NDUFB5: variants seen among roughly 807,000 people sequenced by gnomAD.
The protein encoded by NDUFB5 is NADH dehydrogenase [ubiquinone] 1 beta subcomplex subunit 5, mitochondrial.
Under a neutral mutation model 19.4 loss-of-function variants are expected in NDUFB5, and 19 were observed. That is an observed-to-expected ratio of 0.98 (90% CI 0.68 to 1.43). The LOEUF (loss-of-function observed/expected upper bound fraction) is 1.43. Among genes scored for constraint, NDUFB5 ranks in the 40% most tolerant of loss-of-function variants. The probability of loss-of-function intolerance (pLI) is 0.00; values close to 1 mark genes in which losing one functional copy is unlikely to be tolerated. For missense variants in NDUFB5, 233 were observed against 236.5 expected (o/e 0.99, Z 0.10); for synonymous variants, 80 against 82.6 (o/e 0.97, Z 0.17).
chr3:179,621,955 A>G (rs1719549385), intron 5 of NDUFB5, among the ~76,000 whole-genome samples: 1 of 151,968 alleles, frequency 6.6e-6, no homozygotes, highest in African/African-American at 2.4e-5. Flanking sequence ...TATTTTTTTT[A>G]ATATTCACCA....
chr3:179,618,365 C>T, intron 4 of NDUFB5, 50 bp from the exon 5 acceptor site: 1 of 1,221,138 alleles, frequency 8.2e-7, no homozygotes, highest in Non-Finnish European at 1.2e-6. Flanking sequence ...ACTAGAAAAG[C>T]AAAGTATTAT....
At chr3:179,609,141 CT>C (rs1560023588) in intron 1 of NDUFB5, among the ~76,000 whole-genome samples, 2 of 152,114 alleles carry the variant, frequency 1.3e-5, no homozygotes, top group Non-Finnish European at 2.9e-5. Context: ...TTGAGTATGA[CT>C]TGTGTTGTGA....
chr3:179,614,763 C>T (rs973546475), intron 1 of NDUFB5: 8 of 302,164 alleles, frequency 2.6e-5, no homozygotes, highest in African/African-American at 1.7e-4. Flanking sequence ...TGTATATTTT[C>T]TTTTTGTTTC....
At chr3:179,622,808 T>G (rs1244718664) in intron 5 of NDUFB5, among the ~76,000 whole-genome samples, 1 of 152,192 alleles carries the variant, frequency 6.6e-6, no homozygotes, top group Non-Finnish European at 1.5e-5. Flanking sequence ...CTGTGATAAA[T>G]TTTTAGTCCT....
At chr3:179,619,236 G>T in intron 5 of NDUFB5, among the ~76,000 whole-genome samples, 2 of 147,116 alleles carry the variant, frequency 1.4e-5, no homozygotes, top group Non-Finnish European at 3.0e-5. Flanking sequence ...TAAGTTTTAG[G>T]GTACATGTGC....
chr3:179,614,742 A>G (rs963695064), intron 1 of NDUFB5: 2 of 256,836 alleles, frequency 7.8e-6, no homozygotes, highest in African/African-American at 4.4e-5. Flanking sequence ...CTCATATTAA[A>G]CATCTAAGAA....
Position 179,624,129 on chromosome 3 carries a change from C to A in NDUFB5, c.*89C>A. The A allele has an allele frequency of 8.2e-7, 1 of 1,212,406 alleles. No homozygotes were observed. Among genetic ancestry groups the A allele is most frequent in the Non-Finnish European group, 1.1e-6 (1 of 887,688 alleles). 75.1% of individuals were successfully genotyped at this position (1,212,406 alleles called of 1,614,324 possible). A position where few individuals can be genotyped will look rare whatever the true frequency, so the allele number is the denominator to read the frequency against. ...CTGTATTTTTGCTCTCCGTGAAAAA[C>A]AAAAGAGCCTCTGACATTACTGTCT... On this transcript the variant is annotated 3_prime_UTR_variant, in exon 6 of 6. Transcript: ENST00000259037.
chr3:179,623,802 G>A (rs1719595416), intron 5 of NDUFB5, 118 bp from the exon 6 acceptor site: 1 of 1,275,766 alleles, frequency 7.8e-7, no homozygotes, highest in South Asian at 1.3e-5. Flanking sequence ...AGGGTCTGTG[G>A]AGGAGCATTA....
Position 179,604,950 on chromosome 3 carries a change from G to A in NDUFB5, c.124+11G>A. On this transcript the variant is annotated intron_variant, in intron 1 of 5. Transcript: ENST00000259037. ...TTCCGAAGGCTGCTGGTGGGTGCTG[G>A]CCTAGGGAGAACGGGCGTGAAGCGG... 6.4e-7 allele frequency: 1 copy of A among 1,557,336 alleles called. No individual in the cohort carries two copies. Among genetic ancestry groups the A allele is most frequent in the Middle Eastern group, 1.7e-4 (1 of 5,800 alleles).
chr3:179,609,123 C>G (rs1285488378), intron 1 of NDUFB5, among the ~76,000 whole-genome samples: 1 of 152,204 alleles, frequency 6.6e-6, no homozygotes, highest in Non-Finnish European at 1.5e-5. Context: ...AAGAACTCAT[C>G]AGTGACATTG....
At chr3:179,606,768 G>T (rs1719113490) in intron 1 of NDUFB5, among the ~76,000 whole-genome samples, 1 of 152,180 alleles carries the variant, frequency 6.6e-6, no homozygotes, top group Non-Finnish European at 1.5e-5. Context: ...TCAGAAAGTT[G>T]TCTCCAGCCT....
chr3:179,622,732 C>T (rs976100130), intron 5 of NDUFB5, among the ~76,000 whole-genome samples: 4 of 152,156 alleles, frequency 2.6e-5, no homozygotes, highest in African/African-American at 9.7e-5. Flanking sequence ...AACATAACCT[C>T]ACAAAGGCAT....
rs546196718 is a variant in NDUFB5, at chr3:179,626,780, C to A, written c.*2740C>A. On this transcript the variant is annotated 3_prime_UTR_variant, in exon 6 of 6. Coordinates refer to ENST00000259037, the MANE Select transcript of NDUFB5 (RefSeq NM_002492.4). The stretch of plus-strand genomic sequence containing the variant: ...ACTTCTGACCTTGTGATCCACCCAC[C>A]TTGGTCTCCCAAAGTGCTGGGATTA... The A allele has an allele frequency of 6.6e-6, 1 of 152,312 alleles. No individual in the cohort carries two copies. The highest frequency in any genetic ancestry group is 1.9e-4 in the East Asian group (1 of 5,182). 9.4% of individuals were successfully genotyped at this position (152,312 alleles called of 1,614,324 possible).
intron 4 of NDUFB5, among the ~76,000 whole-genome samples, chr3:179,617,872 C>T (rs1719422623): frequency 6.6e-6 from 1 of 152,242 alleles, no homozygotes; most frequent in Non-Finnish European, 1.5e-5. Context: ...TTATACCATA[C>T]TGCCACTGCT....
chr3:179,619,092 A>G (rs1719458399), intron 5 of NDUFB5, among the ~76,000 whole-genome samples: 1 of 151,998 alleles, frequency 6.6e-6, no homozygotes, highest in South Asian at 2.1e-4. Flanking sequence ...ATATGCTGTT[A>G]TGGAAAGCTA....
At chr3:179,612,883 C>G (rs1006841840) in intron 1 of NDUFB5, among the ~76,000 whole-genome samples, 1 of 152,178 alleles carries the variant, frequency 6.6e-6, no homozygotes, top group African/African-American at 2.4e-5. Flanking sequence ...CTTGAATGGA[C>G]ACATTTCTGC....
At chr3:179,614,460 C>T (rs1245841356) in intron 1 of NDUFB5, among the ~76,000 whole-genome samples, 2 of 152,116 alleles carry the variant, frequency 1.3e-5, no homozygotes, top group African/African-American at 2.4e-5. Context: ...GATAATGTGT[C>T]ATGTGAAATG....
chr3:179,620,759 A>G (rs1383215622), intron 5 of NDUFB5, among the ~76,000 whole-genome samples: 2 of 152,046 alleles, frequency 1.3e-5, no homozygotes, highest in African/African-American at 4.8e-5. Flanking sequence ...GCTGTGTTTA[A>G]TTTTCCCCCA....
intron 5 of NDUFB5, among the ~76,000 whole-genome samples, chr3:179,620,875 C>G (rs1039468423): frequency 2.0e-5 from 3 of 152,170 alleles, no homozygotes; most frequent in Non-Finnish European, 4.4e-5. Context: ...TATTGCCAAA[C>G]TCTTCTCCAA....
Sources: gnomAD v4.1 joint callset for allele counts (sites outside exome capture counted in the v4.1 genomes callset) on GRCh38, gnomAD v4.1.1 for gene constraint, MANE v1.5 for transcripts, NCBI Gene and HGNC (gene_info 2026-07-23, HGNC 2026-07-21) for gene names.